The following ZNF835 variants were observed in gnomAD, a reference collection of about 807,000 sequenced individuals.
ZNF835 encodes the protein zinc finger protein 835.
For missense variants in ZNF835, 783 were observed against 758.4 expected (o/e 1.03, Z -0.38); for synonymous variants, 323 against 324.7 (o/e 0.99, Z 0.06).
intron 1 of ZNF835, among the ~76,000 whole-genome samples, chr19:56,669,004 TAGA>T (rs1373297066): frequency 6.6e-6 from 1 of 152,058 alleles, no homozygotes; most frequent in Admixed American, 6.5e-5. Flanking sequence ...TTGGGGGCAG[TAGA>T]AGAAAGCTGT....
At position 56,664,935 on chromosome 19, in the gene ZNF835, C is replaced by T; in HGVS notation, c.264G>A (p.Glu88=). 3 of 1,613,976 alleles carry T rather than the reference C, an allele frequency of 1.9e-6. No individual in the cohort carries two copies. Among genetic ancestry groups the T allele is most frequent in the Non-Finnish European group, 2.5e-6 (3 of 1,179,888 alleles). The change falls in exon 2 of 2, where the codon GAG becomes GAA. Residue 88 remains glutamate, a synonymous_variant. Coordinates refer to ENST00000537055, the MANE Select transcript of ZNF835 (RefSeq NM_001005850.3). The part of the protein sequence containing the change: ...SSSRRCSAPG[E]SPKERHPDSR... The stretch of plus-strand genomic sequence containing the variant: ...TGTCAGGATGCCTCTCCTTCGGGCT[C>T]TCCCCAGGCGCGCTGCACCTCCGGG...
intron 1 of ZNF835, among the ~76,000 whole-genome samples, chr19:56,668,846 G>C (rs2045266889): frequency 6.6e-6 from 1 of 152,070 alleles, no homozygotes; most frequent in Non-Finnish European, 1.5e-5. Context: ...GGCTGGGTCG[G>C]CTCAGGTGCC....
intron 1 of ZNF835, among the ~76,000 whole-genome samples, chr19:56,667,974 C>A (rs1568525864): frequency 6.6e-6 from 1 of 152,074 alleles, no homozygotes; most frequent in Admixed American, 6.6e-5. Flanking sequence ...TTCTTTCTTT[C>A]TTTTTTTGTT....
In ZNF835 at chr19:56,665,038, C is replaced by T. The variant is rs373689278; in HGVS notation, c.161G>A (p.Arg54His). The T allele has an allele frequency of 1.9e-6, 3 of 1,614,042 alleles. No individual in the cohort carries two copies. Reference sequence around the variant, plus strand: ...TCTTGGGATTCGGCTGAATTCATCGCGTTCCTGCATGCTGTCCCCAGCAGG... The same window carrying T: ...TCTTGGGATTCGGCTGAATTCATCGTGTTCCTGCATGCTGTCCCCAGCAGG... ...GDPAGDSMQE[R>H]DEFSRIPRTI... The change falls in exon 2 of 2, where the codon CGC becomes CAC. Residue 54 changes from arginine (R) to histidine (H), a missense_variant. Coordinates refer to ENST00000537055, the MANE Select transcript of ZNF835 (RefSeq NM_001005850.3).
At position 56,663,122 on chromosome 19, in the gene ZNF835, C is replaced by G. The variant is rs2045199206; in HGVS notation, c.*463G>C. ...GTTGCAGTGAGCCGAGATTGCATCA[C>G]TGCACTCCAGCCTGGGCGACAGAGC... On this transcript the variant is annotated 3_prime_UTR_variant, in exon 2 of 2. Transcript: ENST00000537055. 6.1e-6 allele frequency: 1 copy of G among 165,288 alleles called. No individual in the cohort carries two copies. 10.2% of individuals were successfully genotyped at this position (165,288 alleles called of 1,614,324 possible).
intron 1 of ZNF835, among the ~76,000 whole-genome samples, chr19:56,668,195 C>A (rs1415113531): frequency 6.6e-6 from 1 of 151,960 alleles, no homozygotes; most frequent in African/African-American, 2.4e-5. Flanking sequence ...TGAGGTTTCA[C>A]CATATTAGTC....
intron 1 of ZNF835, 37 bp from the exon 2 acceptor site, chr19:56,665,282 G>T (rs903853148): frequency 3.2e-6 from 5 of 1,567,448 alleles, no homozygotes; most frequent in Non-Finnish European, 4.3e-6. Context: ...ATTAAATGTT[G>T]CCACTTGTCC....
rs777365918 is a variant in ZNF835 at position 56,663,877 on chromosome 19, G to T, written c.1322C>A (p.Thr441Lys). The change falls in exon 2 of 2, where the codon ACG becomes AAG. Residue 441 changes from threonine to lysine, a missense_variant. Physicochemically the swap from Thr to Lys is moderately conservative, Grantham distance 78. Transcript: ENST00000537055. ...SSLALHQRTH[T>K]GERPYTCPEC... is the part of the protein sequence containing the mutation. ...GGGGCAGGTGTAGGGCCGCTCGCCCGTGTGCGTGCGCTGGTGCAGGGCGAG... is the reference window on the plus strand; with the variant it reads ...GGGGCAGGTGTAGGGCCGCTCGCCCTTGTGCGTGCGCTGGTGCAGGGCGAG... 1.9e-6 allele frequency: 3 copies of T among 1,613,156 alleles called. No individual in the cohort carries two copies. Among genetic ancestry groups the T allele is most frequent in the Admixed American group, 1.7e-5 (1 of 59,982 alleles).
chr19:56,668,711 G>A (rs1190532653), intron 1 of ZNF835, among the ~76,000 whole-genome samples: 3 of 131,128 alleles, frequency 2.3e-5, no homozygotes, highest in East Asian at 2.5e-4. Context: ...GCAGAGGAAA[G>A]GTAAAGGGGG....
Position 56,664,779 on chromosome 19 carries a change from G to A in ZNF835, c.420C>T (p.Cys140=), listed in dbSNP as rs1202151921. The change falls in exon 2 of 2, where the codon TGC becomes TGT. Residue 140 remains cysteine, a synonymous_variant. Transcript: ENST00000537055. The part of the protein sequence containing the change: ...RIHTGEKPFA[C]PECGKAFSQS... The stretch of plus-strand genomic sequence containing the variant: ...GGCTGAAGGCCTTGCCGCACTCGGG[G>A]CACGCAAATGGCTTCTCCCCGGTGT... The A allele has an allele frequency of 6.2e-7, 1 of 1,614,230 alleles. No individual in the cohort carries two copies. The highest frequency in any genetic ancestry group is 8.5e-7 in the Non-Finnish European group (1 of 1,180,028).
Position 56,664,708 on chromosome 19 carries a change from T to C in ZNF835, c.491A>G (p.Lys164Arg). 3 of 1,610,730 alleles carry C rather than the reference T, an allele frequency of 1.9e-6. No individual in the cohort carries two copies. The highest frequency in any genetic ancestry group is 2.5e-6 in the Non-Finnish European group (3 of 1,178,120). Residue 164 changes from lysine to arginine, a missense_variant, in exon 2 of 2, where the codon AAG becomes AGG. Physicochemically the swap from Lys to Arg is conservative, Grantham distance 26. Transcript: ENST00000537055. ...GCCGCACTCGTGGCAGGCGTAGGGCTTCTCGCCCGTGTGCGTGCGCTGGTG... is the reference window on the plus strand; with the variant it reads ...GCCGCACTCGTGGCAGGCGTAGGGCCTCTCGCCCGTGTGCGTGCGCTGGTG... ...TLHQRTHTGE[K>R]PYACHECGKA...
chr19:56,668,591 G>T (rs2148057810), intron 1 of ZNF835, among the ~76,000 whole-genome samples: 1 of 152,220 alleles, frequency 6.6e-6, no homozygotes, highest in South Asian at 2.1e-4. Context: ...CCCGCAGCGT[G>T]TGCCTCAGCA....
chr19:56,665,452 C>A (rs12462993), intron 1 of ZNF835: 188,127 of 715,454 alleles, frequency 0.26, 27,744 homozygotes, highest in East Asian at 0.48. Flanking sequence ...TCCACACTGG[C>A]TGCCAGGGAC....
Position 56,664,078 on chromosome 19 carries a change from C to A in ZNF835, c.1121G>T (p.Arg374Leu), listed in dbSNP as rs767397626. 1 of 1,610,106 alleles carries A rather than the reference C, an allele frequency of 6.2e-7. No homozygotes were observed. Among genetic ancestry groups the A allele is most frequent in the South Asian group, 1.1e-5 (1 of 90,992 alleles). ...GAGGCGGTGCTGGAGGAGGTGGGAG[C>A]GGTTGCTGAAGCGCTTGCCGCAGTC... ...CHDCGKRFSN[R>L]SHLLQHRLVH... The change falls in exon 2 of 2, where the codon CGC (arginine) becomes CTC (leucine). Residue 374 changes from arginine to leucine, a missense_variant. Transcript: ENST00000537055.
At position 56,665,167 on chromosome 19, in the gene ZNF835, C is replaced by T. The variant is rs766370389; in HGVS notation, c.32G>A (p.Gly11Asp). The change falls in exon 2 of 2, where the codon GGC (glycine) becomes GAC (aspartate). Residue 11 changes from glycine (G) to aspartate (D), a missense_variant. By Grantham distance (94) the Gly-to-Asp change is moderately conservative. Transcript: ENST00000537055. MEGLLSVALQ[G>D]AELEGNWKHE... Reference sequence around the variant, plus strand: ...TTTCCAGTTTCCTTCCAACTCTGCGCCCTGGAGGGCGACGCTCAAGAGTCC... The same window carrying T: ...TTTCCAGTTTCCTTCCAACTCTGCGTCCTGGAGGGCGACGCTCAAGAGTCC... 4 of 1,614,016 alleles carry T rather than the reference C, an allele frequency of 2.5e-6. No homozygotes were observed. The highest frequency in any genetic ancestry group is 3.4e-6 in the Non-Finnish European group (4 of 1,179,890).
At chr19:56,667,969 T>C (rs919624764) in intron 1 of ZNF835, among the ~76,000 whole-genome samples, 6 of 152,158 alleles carry the variant, frequency 3.9e-5, no homozygotes, top group Non-Finnish European at 8.8e-5. Flanking sequence ...TTTCTTTCTT[T>C]CTTTCTTTTT....
At chr19:56,670,731 T>C (rs971638639) in intron 1 of ZNF835, among the ~76,000 whole-genome samples, 5 of 152,214 alleles carry the variant, frequency 3.3e-5, no homozygotes, top group African/African-American at 9.7e-5. Context: ...GTCTCCATCA[T>C]GTGCAGATGC....
rs2045201104 is a variant in ZNF835, at chr19:56,663,211, C to T, written c.*374G>A. 1 of 235,504 alleles carries T rather than the reference C, an allele frequency of 4.2e-6. No individual in the cohort carries two copies. The highest frequency in any genetic ancestry group is 8.2e-6 in the Non-Finnish European group (1 of 122,538). The allele number at this position is 235,504 out of a possible 1,614,324, so 14.6% of individuals were successfully genotyped here. ...CCAGACTCCTGTAATTTTAACTACT[C>T]GGGAGGTTGAGGCAGGAGAATCACT... On this transcript the variant is annotated 3_prime_UTR_variant, in exon 2 of 2. Coordinates refer to ENST00000537055, the MANE Select transcript of ZNF835 (RefSeq NM_001005850.3).
In ZNF835 at chr19:56,663,146, G is replaced by A. The variant is rs2045199640; in HGVS notation, c.*439C>T. 1 of 176,222 alleles carries A rather than the reference G, an allele frequency of 5.7e-6. No homozygotes were observed. Among genetic ancestry groups the A allele is most frequent in the Admixed American group, 6.5e-5 (1 of 15,500 alleles). The allele number at this position is 176,222 out of a possible 1,614,324, so 10.9% of individuals were successfully genotyped here. A position where few individuals can be genotyped will look rare whatever the true frequency, so the allele number is the denominator to read the frequency against. ...ACTGCACTCCAGCCTGGGCGACAGAGCAAGACTCCGTCTCAGAAAAAAAAA... is the reference window on the plus strand; with the variant it reads ...ACTGCACTCCAGCCTGGGCGACAGAACAAGACTCCGTCTCAGAAAAAAAAA... On this transcript the variant is annotated 3_prime_UTR_variant, in exon 2 of 2. Coordinates refer to ENST00000537055, the MANE Select transcript of ZNF835 (RefSeq NM_001005850.3).
Sources: gnomAD v4.1 joint callset for allele counts (sites outside exome capture counted in the v4.1 genomes callset) on GRCh38, gnomAD v4.1.1 for gene constraint, MANE v1.5 for transcripts, NCBI Gene and HGNC (gene_info 2026-07-23, HGNC 2026-07-21) for gene names.